The following FRMPD4 variants were observed in gnomAD, a reference collection of about 807,000 sequenced individuals.
FRMPD4 encodes FERM and PDZ domain containing 4, also known as FERM and PDZ domain-containing protein 4.
Under a neutral mutation model 94.1 loss-of-function variants are expected in FRMPD4, and 22 were observed. That is an observed-to-expected ratio of 0.23 (90% CI 0.17 to 0.33). The LOEUF is 0.33. FRMPD4 is among the 10% of genes least tolerant of loss of function. The pLI, the probability that FRMPD4 is intolerant of heterozygous loss-of-function variation, is 1.00. For missense variants in FRMPD4, 1,111 were observed against 1,339.9 expected (o/e 0.83, Z 2.67); for synonymous variants, 631 against 548.6 (o/e 1.15, Z -2.10).
intron 2 of FRMPD4, among the ~76,000 whole-genome samples, chrX:12,523,513 A>C (rs1312714483): frequency 2.7e-5 from 3 of 112,093 alleles, no homozygotes; most frequent in Admixed American, 9.4e-5. Context: ...GCTAAGCTGC[A>C]GGAAAGCCTG....
At chrX:12,472,896 A>T (rs755518509) in intron 1 of FRMPD4, among the ~76,000 whole-genome samples, 1 of 108,151 alleles carries the variant, frequency 9.2e-6, no homozygotes, top group East Asian at 2.8e-4. Flanking sequence ...TCTGCAGGAT[A>T]TTATCCAGGA....
chrX:12,099,621 A>G (rs780594117), intron 3 of FRMPD4, among the ~76,000 whole-genome samples: 31 of 112,488 alleles, frequency 2.8e-4, no homozygotes, highest in African/African-American at 5.2e-4. Flanking sequence ...AAATTTTATA[A>G]TGAGCATGGG....
intron 2 of FRMPD4, among the ~76,000 whole-genome samples, chrX:11,872,560 GA>G (rs2053761246): frequency 8.9e-6 from 1 of 111,881 alleles, no homozygotes; most frequent in Non-Finnish European, 1.9e-5. Context: ...AAAACAAAGG[GA>G]AAAAGAAAGA....
At chrX:12,608,176 C>T (rs1449471460) in intron 2 of FRMPD4, among the ~76,000 whole-genome samples, 1 of 112,689 alleles carries the variant, frequency 8.9e-6, no homozygotes, top group Non-Finnish European at 1.9e-5. Flanking sequence ...CAAAAGAAGG[C>T]TGCCTTGAAC....
chrX:12,716,001 T>TTGG, intron 14 of FRMPD4, 68 bp from the exon 15 acceptor site: 3 of 231,655 alleles, frequency 1.3e-5, no homozygotes, highest in East Asian at 1.7e-4. Flanking sequence ...GAGACGAGCC[T>TTGG]CCCACCCCCG....
chrX:12,676,111 G>T (rs2059895953), intron 5 of FRMPD4, among the ~76,000 whole-genome samples: 1 of 111,929 alleles, frequency 8.9e-6, no homozygotes, highest in African/African-American at 3.2e-5. Context: ...CACATACATT[G>T]GGATTTGAAA....
At chrX:11,838,534 G>A (rs1285512590) in intron 1 of FRMPD4, among the ~76,000 whole-genome samples, 4 of 111,059 alleles carry the variant, frequency 3.6e-5, no homozygotes, top group Non-Finnish European at 7.6e-5. Context: ...TATTTTTAGT[G>A]AACGTATAGA....
intron 1 of FRMPD4, among the ~76,000 whole-genome samples, chrX:12,220,963 C>A (rs773751093): frequency 1.8e-5 from 2 of 111,693 alleles, no homozygotes; most frequent in African/African-American, 6.5e-5. Context: ...CTCAAACATG[C>A]CCTGAGCAAC....
At chrX:11,941,366 A>G (rs1196238329) in intron 3 of FRMPD4, among the ~76,000 whole-genome samples, 2 of 111,620 alleles carry the variant, frequency 1.8e-5, no homozygotes, top group Non-Finnish European at 3.8e-5. Flanking sequence ...GGTGATTATT[A>G]TGAGAAATCC....
intron 4 of FRMPD4, among the ~76,000 whole-genome samples, chrX:12,665,359 G>T (rs1030138539): frequency 9.0e-6 from 1 of 110,878 alleles, no homozygotes; most frequent in Non-Finnish European, 1.9e-5. Flanking sequence ...CAGGAGAATG[G>T]CATGAACCTG....
At chrX:12,334,142 A>G (rs780723146) in intron 1 of FRMPD4, among the ~76,000 whole-genome samples, 4 of 112,166 alleles carry the variant, frequency 3.6e-5, no homozygotes, top group African/African-American at 9.7e-5. Flanking sequence ...TAGTATCACT[A>G]TCTGCCTTAC....
At chrX:12,663,558 C>T (rs149228597) in intron 4 of FRMPD4, among the ~76,000 whole-genome samples, 3,142 of 111,693 alleles carry the variant, frequency 0.028, 115 homozygotes, top group African/African-American at 0.098. Flanking sequence ...TCTATATATC[C>T]GTTTTGGTAC....
At chrX:12,167,308 G>A (rs1260772088) in intron 1 of FRMPD4, among the ~76,000 whole-genome samples, 1 of 111,812 alleles carries the variant, frequency 8.9e-6, no homozygotes, top group Non-Finnish European at 1.9e-5. Context: ...ATTTTGTTAT[G>A]TACCCAGTAG....
rs145521170 is a variant in FRMPD4 at position 12,162,096 on chromosome X, A to T, written c.41+23084A>T. ...AAGAAAAAACAGTGGCTGCCATGAG[A>T]TGTCAGAGAATGTAAAAAAGTCTGC... On this transcript the variant is annotated intron_variant, in intron 1 of 16. Coordinates refer to ENST00000675598, the MANE Select transcript of FRMPD4 (RefSeq NM_001368397.1). Among the ~76,000 whole-genome samples the T allele has an allele frequency of 6.4e-4, 72 of 112,314 alleles. No homozygotes were observed. In the East Asian group the frequency reaches 0.018, roughly 28 times the overall value.
Position 12,721,334 on chromosome X carries a change from A to G in FRMPD4, c.4765A>G (p.Ile1589Val), listed in dbSNP as rs776565263. The change falls in exon 17 of 17, where the codon ATT becomes GTT. Residue 1589 changes from isoleucine to valine, a missense_variant. Coordinates refer to ENST00000675598, the MANE Select transcript of FRMPD4 (RefSeq NM_001368397.1). ...DFSNLAFDAR[I>V]ARINALKEST... ...CAGCAACCTGGCTTTTGATGCCCGG[A>G]TTGCAAGAATAAATGCCCTAAAGGA... 798 of 754,010 alleles carry G rather than the reference A, an allele frequency of 1.1e-3. 1 individual carries two copies. Among genetic ancestry groups the G allele is most frequent in the Non-Finnish European group, 1.2e-3 (768 of 638,922 alleles). The allele number at this position is 754,010 out of a possible 1,213,427, so 62.1% of individuals were successfully genotyped here. A position where few individuals can be genotyped will look rare whatever the true frequency, so the allele number is the denominator to read the frequency against.
intron 1 of FRMPD4, among the ~76,000 whole-genome samples, chrX:12,445,349 G>A (rs1433612855): frequency 8.9e-6 from 1 of 112,186 alleles, no homozygotes; most frequent in East Asian, 2.8e-4. Context: ...GTGCTACATT[G>A]GTAGTATCTC....
chrX:12,640,995 C>T (rs767341543), intron 4 of FRMPD4, among the ~76,000 whole-genome samples: 2 of 111,138 alleles, frequency 1.8e-5, no homozygotes, highest in African/African-American at 3.3e-5. Context: ...CCAGATTGGG[C>T]AACATAGTGA....
intron 3 of FRMPD4, among the ~76,000 whole-genome samples, chrX:12,037,785 A>G (rs908620579): frequency 4.5e-5 from 5 of 110,392 alleles, no homozygotes; most frequent in African/African-American, 1.7e-4. Context: ...TCTTGCATTC[A>G]TGTGTTCTCA....
rs191045941 is a variant in FRMPD4 at position 11,824,120 on chromosome X, G to A, written c.-161+1405G>A. 3.6e-5 allele frequency among the ~76,000 whole-genome samples: 4 copies of A among 111,619 alleles called. No individual in the cohort carries two copies. The East Asian group carries it at 1.1e-3, about 31-fold the overall frequency. ...CTTTCGTCTTAATCATAGTATGCCT[G>A]TACCAAATGATTTCCATAAAATCAC... On this transcript the variant is annotated intron_variant, in intron 1 of 18. Transcript: ENST00000640291.
Sources: allele counts gnomAD v4.1 joint callset (sites outside exome capture counted in the v4.1 genomes callset), GRCh38; gene constraint gnomAD v4.1.1; transcripts MANE v1.5; gene names NCBI Gene and HGNC (gene_info 2026-07-23, HGNC 2026-07-21).